The following KMO variants were observed in gnomAD, a reference collection of about 807,000 sequenced individuals.
KMO encodes kynurenine 3-monooxygenase.
KMO carries 24 observed loss-of-function variants against 57.8 expected under a neutral mutation model. That is an observed-to-expected ratio of 0.42 (90% CI 0.30 to 0.58). The LOEUF is 0.58. KMO is among the 20% of genes least tolerant of loss of function. KMO has a pLI of 0.22. For missense variants in KMO, 483 were observed against 588.2 expected (o/e 0.82, Z 1.85); for synonymous variants, 210 against 193.6 (o/e 1.08, Z -0.70).
chr1:241,568,834 G>C (rs373224882), intron 10 of KMO, among the ~76,000 whole-genome samples, 187 bp downstream of exon 10: 1 of 152,080 alleles, frequency 6.6e-6, no homozygotes, highest in Admixed American at 6.6e-5. Context: ...AATCAATCCA[G>C]TAATCCATAG....
chr1:241,590,165 T>C, intron 13 of KMO, 39 bp from the exon 14 acceptor site: 1 of 1,608,274 alleles, frequency 6.2e-7, no homozygotes, highest in East Asian at 2.2e-5. Flanking sequence ...GTTTAGCTGT[T>C]AAAGAATACA....
In KMO at chr1:241,559,364, G is replaced by A. The variant is rs531014398; in HGVS notation, c.362-1301G>A. Among the ~76,000 whole-genome samples, 40 of 152,214 alleles carry A rather than the reference G, an allele frequency of 2.6e-4. No homozygotes were observed. The South Asian group carries it at 7.7e-3, about 29-fold the overall frequency. On this transcript the variant is annotated intron_variant, in intron 5 of 14. Coordinates refer to ENST00000366559, the MANE Select transcript of KMO (RefSeq NM_003679.5). Reference sequence around the variant, plus strand: ...CTTTGGCAATGGAACAGTTTTTTTAGGGAGTATATCCCAGGAGTAACGTTC... The same window carrying A: ...CTTTGGCAATGGAACAGTTTTTTTAAGGAGTATATCCCAGGAGTAACGTTC...
At position 241,594,330 on chromosome 1, in the gene KMO, G is replaced by A. The variant is rs546558403; in HGVS notation, c.*2177G>A. On this transcript the variant is annotated 3_prime_UTR_variant, in exon 15 of 15. Transcript: ENST00000366559. The stretch of plus-strand genomic sequence containing the variant: ...TCCTGCTGGACCACAAGGTTCTGTT[G>A]ATATTACATAGAACGGGTATTCCAG... The A allele has an allele frequency of 5.0e-5, 66 of 1,312,328 alleles. 1 individual carries two copies. The South Asian group carries it at 8.9e-4, about 18-fold the overall frequency. The allele number at this position is 1,312,328 out of a possible 1,614,324, so 81.3% of individuals were successfully genotyped here.
Position 241,588,793 on chromosome 1 carries a change from A to G in KMO, c.1061A>G (p.His354Arg). 1 of 1,613,598 alleles carries G rather than the reference A, an allele frequency of 6.2e-7. No individual in the cohort carries two copies. The highest frequency in any genetic ancestry group is 8.5e-7 in the Non-Finnish European group (1 of 1,179,708). ...VFSRLRIPDD[H>R]AISDLSMYNY... ...TCAAGATTGAGAATCCCAGATGATC[A>G]CGCGATTTCAGACCTATCCATGTAC... The change falls in exon 12 of 15, where the codon CAC (histidine) becomes CGC (arginine). Residue 354 changes from histidine (H) to arginine (R), a missense_variant. Transcript: ENST00000366559.
rs1158744274 is a variant in KMO at position 241,594,261 on chromosome 1, T to C, written c.*2108T>C. ...TTGAATTAAAAGAATTTGTTTTTGTTCAACCTCTTCCTGAGGCCCAAGAGC... is the reference window on the plus strand; with the variant it reads ...TTGAATTAAAAGAATTTGTTTTTGTCCAACCTCTTCCTGAGGCCCAAGAGC... On this transcript the variant is annotated 3_prime_UTR_variant, in exon 15 of 15. Coordinates refer to ENST00000366559, the MANE Select transcript of KMO (RefSeq NM_003679.5). 7 of 690,998 alleles carry C rather than the reference T, an allele frequency of 1.0e-5. No homozygotes were observed. The Admixed American group carries it at 2.0e-4, about 19-fold the overall frequency. The allele number at this position is 690,998 out of a possible 1,614,324, so 42.8% of individuals were successfully genotyped here.
intron 1 of KMO, among the ~76,000 whole-genome samples, chr1:241,537,648 G>C (rs957002669): frequency 5.9e-5 from 9 of 152,138 alleles, no homozygotes; most frequent in Non-Finnish European, 1.2e-4. Flanking sequence ...TAAAGAAAAA[G>C]AGGTTTAATG....
At chr1:241,568,799 GATCACTCTA>G in intron 10 of KMO, 152 bp downstream of exon 10, 1 of 771,228 alleles carries the variant, frequency 1.3e-6, no homozygotes, top group Admixed American at 3.0e-5. Context: ...TAGCTAGATT[GATCACTCTA>G]ATCAGAATTT....
At chr1:241,552,713 C>G (rs546874205) in intron 4 of KMO, among the ~76,000 whole-genome samples, 1 of 152,298 alleles carries the variant, frequency 6.6e-6, no homozygotes, top group South Asian at 2.1e-4. Flanking sequence ...GTGGATGGCA[C>G]GGGCGATAAT....
chr1:241,555,823 C>CT, intron 5 of KMO, 163 bp downstream of exon 5: 1 of 484,492 alleles, frequency 2.1e-6, no homozygotes, highest in Non-Finnish European at 3.7e-6. Context: ...TCTGATAGCT[C>CT]ATGCCTGTAA....
Position 241,594,960 on chromosome 1 carries a change from G to T in KMO, c.*2807G>T. On this transcript the variant is annotated 3_prime_UTR_variant, in exon 15 of 15. Coordinates refer to ENST00000366559, the MANE Select transcript of KMO (RefSeq NM_003679.5). The stretch of plus-strand genomic sequence containing the variant: ...GCTTCAATCTGCACACACTTTCTAT[G>T]AGGGCAGGTACAACTATTAAGAGAT... 2.7e-6 allele frequency: 1 copy of T among 373,790 alleles called. No individual in the cohort carries two copies. 23.2% of individuals were successfully genotyped at this position (373,790 alleles called of 1,614,324 possible). A position where few individuals can be genotyped will look rare whatever the true frequency, so the allele number is the denominator to read the frequency against.
At chr1:241,551,988 T>C (rs1408822482) in intron 4 of KMO, among the ~76,000 whole-genome samples, 2 of 144,500 alleles carry the variant, frequency 1.4e-5, no homozygotes, top group African/African-American at 2.5e-5. Context: ...TGTTCACTTG[T>C]ATTAACAAGG....
chr1:241,562,777 T>G (rs949646206), intron 7 of KMO, among the ~76,000 whole-genome samples: 2 of 151,876 alleles, frequency 1.3e-5, no homozygotes, highest in Non-Finnish European at 2.9e-5. Context: ...AGGTCAAGGC[T>G]GCAGTGAGCC....
chr1:241,566,042 T>C (rs1232167511), intron 8 of KMO, among the ~76,000 whole-genome samples: 2 of 151,968 alleles, frequency 1.3e-5, no homozygotes, highest in African/African-American at 2.4e-5. Context: ...CTGTCTTTAC[T>C]AAAAATACAA....
intron 1 of KMO, among the ~76,000 whole-genome samples, chr1:241,538,123 C>G (rs1269171942): frequency 6.6e-6 from 1 of 152,076 alleles, no homozygotes; most frequent in Non-Finnish European, 1.5e-5. Context: ...TCTGAGCATG[C>G]ATAATCAAGG....
intron 7 of KMO, among the ~76,000 whole-genome samples, chr1:241,564,728 C>T (rs1442476864): frequency 2.0e-5 from 3 of 151,260 alleles, no homozygotes; most frequent in Non-Finnish European, 4.4e-5. Context: ...TGTCTTTTTC[C>T]TTACATATAC....
rs780412741 is a variant in KMO at position 241,562,238 on chromosome 1, G to T, written c.521G>T (p.Arg174Ile). Residue 174 changes from arginine to isoleucine, a missense_variant, in exon 7 of 15, where the codon AGA (arginine) becomes ATA (isoleucine). Transcript: ENST00000366559. The stretch of plus-strand genomic sequence containing the variant: ...TGTGATGGAGCCTATTCAACTGTCA[G>T]ATCTCACCTGATGAAGAAACCTCGC... ...VGCDGAYSTV[R>I]SHLMKKPRFD... is the part of the protein sequence containing the mutation. The T allele has an allele frequency of 6.2e-7, 1 of 1,614,146 alleles. No individual in the cohort carries two copies. The highest frequency in any genetic ancestry group is 8.5e-7 in the Non-Finnish European group (1 of 1,179,986).
chr1:241,580,223 C>T, intron 10 of KMO, among the ~76,000 whole-genome samples: 1 of 152,102 alleles, frequency 6.6e-6, no homozygotes, highest in South Asian at 2.1e-4. Flanking sequence ...TCCTGTGTTG[C>T]CTCCTGGAAA....
Position 241,555,671 on chromosome 1 carries a change from T to C in KMO, c.361+11T>C, listed in dbSNP as rs758403572. On this transcript the variant is annotated intron_variant, in intron 5 of 14. Coordinates refer to ENST00000366559, the MANE Select transcript of KMO (RefSeq NM_003679.5). The stretch of plus-strand genomic sequence containing the variant: ...AGGATCTATTGACTGGTAAGTCTAA[T>C]GTTTGATTCATCAGTTGTCATTTTG... 3 of 1,509,080 alleles carry C rather than the reference T, an allele frequency of 2.0e-6. No individual in the cohort carries two copies. The African/African-American group carries it at 4.1e-5, about 21-fold the overall frequency. The allele number at this position is 1,509,080 out of a possible 1,614,324, so 93.5% of individuals were successfully genotyped here.
At chr1:241,534,127 G>A (rs1473696563) in intron 1 of KMO, among the ~76,000 whole-genome samples, 1 of 152,208 alleles carries the variant, frequency 6.6e-6, no homozygotes, top group East Asian at 1.9e-4. Context: ...AACTATTGGA[G>A]GATTTTAGGC....
Sources: allele counts gnomAD v4.1 joint callset (sites outside exome capture counted in the v4.1 genomes callset), GRCh38; gene constraint gnomAD v4.1.1; transcripts MANE v1.5; gene names NCBI Gene and HGNC (gene_info 2026-07-23, HGNC 2026-07-21).